ITGA8: variants seen among roughly 807,000 people sequenced by gnomAD.
ITGA8 encodes integrin alpha-8.
In ITGA8, 91 loss-of-function variants were observed where a neutral mutation model predicts 142.3. The observed-to-expected ratio is 0.64, with a 90% CI of 0.54 to 0.76. The LOEUF is 0.76. Ranked by LOEUF, ITGA8 falls within the 30% of genes least tolerant of loss-of-function variation. The pLI, the probability that ITGA8 is intolerant of heterozygous loss-of-function variation, is 0.00. For synonymous variants in ITGA8, 505 were observed against 485.2 expected (o/e 1.04, Z -0.54); for missense variants, 1,406 against 1,327.7 (o/e 1.06, Z -0.92).
At chr10:15,694,332 T>A (rs1835000506) in intron 2 of ITGA8, among the ~76,000 whole-genome samples, 1 of 130,030 alleles carries the variant, frequency 7.7e-6, no homozygotes, top group East Asian at 2.0e-4. Flanking sequence ...TGATAATATA[T>A]CATATATCAG....
intron 8 of ITGA8, among the ~76,000 whole-genome samples, chr10:15,669,989 G>C (rs907138044): frequency 1.3e-5 from 2 of 152,122 alleles, no homozygotes; most frequent in Admixed American, 6.5e-5. Flanking sequence ...CAGTCTGCCC[G>C]TTCTCAGATC....
At chr10:15,630,484 G>A (rs763058866) in intron 13 of ITGA8, among the ~76,000 whole-genome samples, 16 of 151,944 alleles carry the variant, frequency 1.1e-4, no homozygotes, top group Non-Finnish European at 2.1e-4. Context: ...GGAGCAGAAA[G>A]GACATTTATC....
chr10:15,573,788 T>C (rs1339604616), intron 24 of ITGA8, among the ~76,000 whole-genome samples: 4 of 152,140 alleles, frequency 2.6e-5, no homozygotes, highest in Non-Finnish European at 5.9e-5. Flanking sequence ...ACAGAACGCC[T>C]TGGAACATGG....
chr10:15,615,595 C>A (rs1191568227), intron 14 of ITGA8, among the ~76,000 whole-genome samples: 1 of 152,184 alleles, frequency 6.6e-6, no homozygotes, highest in Non-Finnish European at 1.5e-5. Context: ...CTCACTACAA[C>A]CTCGACCTCT....
At chr10:15,678,332 TTTAATA>T (rs1834671262) in intron 5 of ITGA8, among the ~76,000 whole-genome samples, 1 of 152,208 alleles carries the variant, frequency 6.6e-6, no homozygotes, top group Non-Finnish European at 1.5e-5. Context: ...ATATATGAAT[TTTAATA>T]TTAATATTAA....
chr10:15,597,225 A>G lies in ITGA8; in HGVS notation c.2193T>C (p.Pro731=), dbSNP rs1246167167. 6.2e-7 allele frequency: 1 copy of G among 1,613,682 alleles called. No homozygotes were observed. ...TRMVVCDLGN[P]MVSGTNYSLG... ...CTCTTACATTTGTTCCAGACACCAT[A>G]GGGTTCCCAAGGTCACACACCACCA... The change falls in exon 21 of 30, where the codon CCT becomes CCC. Residue 731 remains proline (P), a synonymous_variant. Transcript: ENST00000378076.
intron 26 of ITGA8, among the ~76,000 whole-genome samples, chr10:15,552,916 A>G (rs921542753): frequency 2.0e-5 from 3 of 152,258 alleles, no homozygotes; most frequent in African/African-American, 7.2e-5. Context: ...AAGGAATAGT[A>G]TATGGATTCC....
chr10:15,527,891 T>A (rs979184684), intron 28 of ITGA8, among the ~76,000 whole-genome samples: 20 of 143,106 alleles, frequency 1.4e-4, no homozygotes, highest in Non-Finnish European at 2.7e-4. Context: ...TTAAAGCAAT[T>A]CCCTTTCGGC....
At chr10:15,524,231 T>C (rs949285879) in intron 28 of ITGA8, among the ~76,000 whole-genome samples, 1 of 152,170 alleles carries the variant, frequency 6.6e-6, no homozygotes, top group Non-Finnish European at 1.5e-5. Flanking sequence ...TAAACTTATG[T>C]AGGCTTTTGC....
At chr10:15,641,797 C>A (rs555974002) in intron 13 of ITGA8, among the ~76,000 whole-genome samples, 5 of 152,102 alleles carry the variant, frequency 3.3e-5, no homozygotes, top group Admixed American at 6.5e-5. Context: ...CACATGGCCT[C>A]AAGTGAATAT....
Position 15,684,001 on chromosome 10 carries a change from T to C in ITGA8, c.568+3A>G. ...TCAGTTTCAAGGAATAAAAGTTGCT[T>C]ACTGTTCCGGCAAGGAGAGAACTCG... On this transcript the variant is annotated splice_donor_region_variant and intron_variant, in intron 4 of 29. Transcript: ENST00000378076. 3 of 1,614,024 alleles carry C rather than the reference T, an allele frequency of 1.9e-6. No homozygotes were observed. Among genetic ancestry groups the C allele is most frequent in the Non-Finnish European group, 2.5e-6 (3 of 1,179,970 alleles).
At position 15,595,041 on chromosome 10, in the gene ITGA8, A is replaced by G. The variant is rs182899685; in HGVS notation, c.2211+2166T>C. Among the ~76,000 whole-genome samples the G allele has an allele frequency of 5.9e-5, 9 of 152,268 alleles. No individual in the cohort carries two copies. The East Asian group carries it at 1.5e-3, about 26-fold the overall frequency. On this transcript the variant is annotated intron_variant, in intron 21 of 29. Transcript: ENST00000378076. ...CGCTCTTATTGACCCCACCGTTTAA[A>G]AAAATTTTCCCATGAGAAAATTTGC...
Position 15,655,197 on chromosome 10 carries a change from A to G in ITGA8, c.1001+157T>C, listed in dbSNP as rs2275617. On this transcript the variant is annotated intron_variant, in intron 11 of 29. Transcript: ENST00000378076. ...AAATCAGATGACAGAGAATTATTTAATAGATGCATCTTCTTGTCTTGAACC... is the reference window on the plus strand; with the variant it reads ...AAATCAGATGACAGAGAATTATTTAGTAGATGCATCTTCTTGTCTTGAACC... Among the ~76,000 whole-genome samples the G allele has an allele frequency of 0.58, 88,468 of 152,072 alleles. 26,774 individuals carry two copies. Among genetic ancestry groups the G allele is most frequent in the South Asian group, 0.76 (3,655 of 4,828 alleles).
chr10:15,717,080 G>A (rs1322264364), intron 2 of ITGA8, among the ~76,000 whole-genome samples: 3 of 152,148 alleles, frequency 2.0e-5, no homozygotes, highest in Non-Finnish European at 4.4e-5. Context: ...CATCTATTGG[G>A]ATGAGTACTT....
chr10:15,538,135 A>C (rs1833486587), intron 27 of ITGA8, among the ~76,000 whole-genome samples: 1 of 152,184 alleles, frequency 6.6e-6, no homozygotes, highest in Non-Finnish European at 1.5e-5. Flanking sequence ...GAAAACAATA[A>C]AAAGCAACAG....
At chr10:15,535,267 C>A (rs11259730) in intron 27 of ITGA8, among the ~76,000 whole-genome samples, 2,956 of 152,264 alleles carry the variant, frequency 0.019, 88 homozygotes, top group African/African-American at 0.068. Flanking sequence ...ACGCGCACCG[C>A]CCCCTGCTCC....
At chr10:15,702,415 C>G (rs887635047) in intron 2 of ITGA8, among the ~76,000 whole-genome samples, 1 of 152,018 alleles carries the variant, frequency 6.6e-6, no homozygotes, top group Admixed American at 6.6e-5. Flanking sequence ...CTCAGCCTCC[C>G]GAGTACCTGG....
At chr10:15,611,377 CA>C (rs1315327791) in intron 15 of ITGA8, 8 of 151,792 alleles carry the variant, frequency 5.3e-5, no homozygotes, top group African/African-American at 1.9e-4. Flanking sequence ...GTCCACATAA[CA>C]AATTGCACTT....
chr10:15,590,496 G>A (rs552487632), intron 22 of ITGA8, among the ~76,000 whole-genome samples: 6 of 152,314 alleles, frequency 3.9e-5, no homozygotes, highest in African/African-American at 1.2e-4. Context: ...TATTTTATGA[G>A]AGATGTATCT....
Sources: gnomAD v4.1 joint callset for allele counts (sites outside exome capture counted in the v4.1 genomes callset) on GRCh38, gnomAD v4.1.1 for gene constraint, MANE v1.5 for transcripts, NCBI Gene and HGNC (gene_info 2026-07-23, HGNC 2026-07-21) for gene names.